NCKAP1: variants seen among roughly 807,000 people sequenced by gnomAD.
NCKAP1 encodes the protein nck-associated protein 1.
A neutral mutation model predicts 151.2 loss-of-function variants in NCKAP1; 21 were observed. The ratio of observed to expected loss-of-function variants is 0.14; its 90% CI spans 0.10 to 0.20. The LOEUF is 0.20. NCKAP1 is among the 10% of genes least tolerant of loss of function. The pLI is 1.00. For missense variants in NCKAP1, 933 were observed against 1,352.1 expected (o/e 0.69, Z 4.86); for synonymous variants, 484 against 451.8 (o/e 1.07, Z -0.90).
intron 12 of NCKAP1, among the ~76,000 whole-genome samples, chr2:182,982,538 C>T (rs571216312): frequency 6.6e-6 from 1 of 152,124 alleles, no homozygotes; most frequent in Admixed American, 6.5e-5. Flanking sequence ...ATGATGCTGC[C>T]GTAGTTCCCA....
rs924694290 is a variant in NCKAP1 at position 183,038,224 on chromosome 2, C to G, written c.-125G>C. 6 of 571,462 alleles carry G rather than the reference C, an allele frequency of 1.0e-5. No homozygotes were observed. Among genetic ancestry groups the G allele is most frequent in the Non-Finnish European group, 1.4e-5 (5 of 358,048 alleles). The allele number at this position is 571,462 out of a possible 1,614,324, so 35.4% of individuals were successfully genotyped here. ...GCGACCTCCGCCTTAGGAGAGCGCG[C>G]CCATGGCCCTCGCGCCCCAATCCCG... On this transcript the variant is annotated 5_prime_UTR_variant, in exon 1 of 31. Transcript: ENST00000361354.
chr2:182,990,491 T>C (rs1698145303), intron 8 of NCKAP1, among the ~76,000 whole-genome samples: 2 of 152,224 alleles, frequency 1.3e-5, no homozygotes, highest in South Asian at 4.1e-4. Context: ...ATTCTAAATA[T>C]CTTTTTTACC....
chr2:182,917,614 T>C lies in NCKAP1; in HGVS notation c.*8088A>G, dbSNP rs1696488003. 6.6e-6 allele frequency: 1 copy of C among 152,142 alleles called. No individual in the cohort carries two copies. Among genetic ancestry groups the C allele is most frequent in the Non-Finnish European group, 1.5e-5 (1 of 68,012 alleles). The allele number at this position is 152,142 out of a possible 1,614,324, so 9.4% of individuals were successfully genotyped here. On this transcript the variant is annotated 3_prime_UTR_variant, in exon 31 of 31. Coordinates refer to ENST00000361354, the MANE Select transcript of NCKAP1 (RefSeq NM_013436.5). The stretch of plus-strand genomic sequence containing the variant: ...AGGCAGAATTAATCCATCAATCACA[T>C]TTAGAGAGCTCTTGGCACGAACTTT...
chr2:182,964,834 A>ACC, intron 16 of NCKAP1, 26 bp from the exon 17 acceptor site: 1 of 1,554,688 alleles, frequency 6.4e-7, no homozygotes, highest in East Asian at 2.3e-5. Flanking sequence ...TCAGAATCAC[A>ACC]ATTTTTACAT....
At position 182,924,913 on chromosome 2, in the gene NCKAP1, T is replaced by C. The variant is rs567863988; in HGVS notation, c.*789A>G. ...GTGATACAGTCTAGTGTTTATTTTA[T>C]GTTATGGCAGGTACACTTGAATTTC... On this transcript the variant is annotated 3_prime_UTR_variant, in exon 31 of 31. Transcript: ENST00000361354. 3.7e-4 allele frequency: 57 copies of C among 152,248 alleles called. 1 individual carries two copies. The highest frequency in any genetic ancestry group is 1.2e-3 in the African/African-American group (51 of 41,582). The allele number at this position is 152,248 out of a possible 1,614,324, so 9.4% of individuals were successfully genotyped here. A position where few individuals can be genotyped will look rare whatever the true frequency, so the allele number is the denominator to read the frequency against.
intron 13 of NCKAP1, among the ~76,000 whole-genome samples, chr2:182,980,664 T>C (rs1016318182): frequency 5.9e-5 from 9 of 152,128 alleles, no homozygotes; most frequent in Admixed American, 5.2e-4. Flanking sequence ...AATGGGAATG[T>C]CTATATGAAA....
chr2:182,959,067 A>AT (rs1212897716), intron 18 of NCKAP1, among the ~76,000 whole-genome samples: 2 of 152,226 alleles, frequency 1.3e-5, no homozygotes, highest in African/African-American at 4.8e-5. Context: ...TTTAAATTAC[A>AT]TATGTGGTTT....
chr2:182,959,130 A>G (rs939818438), intron 18 of NCKAP1, among the ~76,000 whole-genome samples: 4 of 152,222 alleles, frequency 2.6e-5, no homozygotes, highest in African/African-American at 9.6e-5. Flanking sequence ...TTTAGTCATT[A>G]TACCTAGATA....
Position 182,976,873 on chromosome 2 carries a change from C to A in NCKAP1, c.1482+20G>T. Reference sequence around the variant, plus strand: ...TAACTAAAATAACAAAACAGAATGACAATAAAAGGTTATTCTTACCTGTAA... The same window carrying A: ...TAACTAAAATAACAAAACAGAATGAAAATAAAAGGTTATTCTTACCTGTAA... On this transcript the variant is annotated intron_variant, in intron 15 of 30. Transcript: ENST00000361354. The A allele has an allele frequency of 2.8e-6, 4 of 1,430,024 alleles. No homozygotes were observed. In the East Asian group the frequency reaches 7.5e-5, roughly 27 times the overall value. The allele number at this position is 1,430,024 out of a possible 1,614,324, so 88.6% of individuals were successfully genotyped here. A position where few individuals can be genotyped will look rare whatever the true frequency, so the allele number is the denominator to read the frequency against.
intron 26 of NCKAP1, among the ~76,000 whole-genome samples, chr2:182,932,818 C>A (rs924723408): frequency 7.9e-5 from 12 of 152,026 alleles, no homozygotes; most frequent in Non-Finnish European, 1.6e-4. Context: ...GTTTTTGTCT[C>A]CTTAACTTTA....
chr2:182,939,850 T>C (rs992942781), intron 24 of NCKAP1, among the ~76,000 whole-genome samples: 4 of 152,242 alleles, frequency 2.6e-5, no homozygotes, highest in Admixed American at 2.0e-4. Context: ...AAAGATTTAA[T>C]AAATTCTATT....
chr2:182,985,542 C>T (rs1376670481), intron 10 of NCKAP1, among the ~76,000 whole-genome samples: 1 of 151,864 alleles, frequency 6.6e-6, no homozygotes, highest in East Asian at 1.9e-4. Context: ...GTGGCTCATG[C>T]CTGTAATGCC....
rs772972944 is a variant in NCKAP1, at chr2:182,982,927, C to T, written c.1102G>A (p.Ala368Thr). The T allele has an allele frequency of 1.3e-6, 2 of 1,582,854 alleles. No individual in the cohort carries two copies. The highest frequency in any genetic ancestry group is 8.6e-7 in the Non-Finnish European group (1 of 1,166,560). The change falls in exon 12 of 31, where the codon GCA becomes ACA. Residue 368 changes from alanine to threonine, a missense_variant and splice_region_variant. Ala to Thr is a moderately conservative substitution (Grantham distance 58). This residue lies in a region of NCKAP1 where 607 missense variants were observed against 795.0 expected (regional missense o/e 0.76). Coordinates refer to ENST00000361354, the MANE Select transcript of NCKAP1 (RefSeq NM_013436.5). ...SDQPGLLGPK[A>T]LFVFMALSFA... ...GATAATGCCATAAAAACAAAAAGTG[C>T]CTGTTTAAAAAAAAGTAAGTGTTTA... is the stretch of plus-strand genomic sequence containing the variant.
Position 183,037,989 on chromosome 2 carries a change from C to T in NCKAP1, c.108+3G>A. ...CGCCGCGGCCTCCCCGGCCCGTGCG[C>T]ACCTTCTTGATGTTGTAGAGGCGGG... On this transcript the variant is annotated splice_donor_region_variant and intron_variant, in intron 1 of 30. Coordinates refer to ENST00000361354, the MANE Select transcript of NCKAP1 (RefSeq NM_013436.5). 6.3e-7 allele frequency: 1 copy of T among 1,579,462 alleles called. No homozygotes were observed. The highest frequency in any genetic ancestry group is 8.5e-7 in the Non-Finnish European group (1 of 1,170,072).
Position 182,913,499 on chromosome 2 carries a change from C to T in NCKAP1, c.*12203G>A, listed in dbSNP as rs572284378. On this transcript the variant is annotated 3_prime_UTR_variant, in exon 31 of 31. Transcript: ENST00000361354. ...CTCTCTGGTGAATCCCACCCCCACA[C>T]CATGTGATGCTCTGTGTTACCTCAG... The T allele has an allele frequency of 1.2e-4, 19 of 153,232 alleles. No individual in the cohort carries two copies. The East Asian group carries it at 3.4e-3, about 28-fold the overall frequency. 9.5% of individuals were successfully genotyped at this position (153,232 alleles called of 1,614,324 possible).
rs1402908565 is a variant in NCKAP1 at position 182,916,151 on chromosome 2, T to C, written c.*9551A>G. The C allele has an allele frequency of 7.2e-6, 1 of 138,782 alleles. No individual in the cohort carries two copies. The highest frequency in any genetic ancestry group is 1.5e-5 in the Non-Finnish European group (1 of 64,860). 8.6% of individuals were successfully genotyped at this position (138,782 alleles called of 1,614,324 possible). On this transcript the variant is annotated 3_prime_UTR_variant, in exon 31 of 31. Coordinates refer to ENST00000361354, the MANE Select transcript of NCKAP1 (RefSeq NM_013436.5). ...CTCTGCCATGTAAGAAGTACCTTGC[T>C]TCCCCTTCGCCTTCTGTCAAAAAAA...
At chr2:183,010,249 C>T (rs1698567149) in intron 2 of NCKAP1, among the ~76,000 whole-genome samples, 1 of 152,210 alleles carries the variant, frequency 6.6e-6, no homozygotes, top group Admixed American at 6.5e-5. Flanking sequence ...AACAACGAGT[C>T]ACTTCTAAGT....
In NCKAP1 at chr2:182,926,810, A is replaced by T. The variant is rs1696657752; in HGVS notation, c.3270+6T>A. 1 of 1,550,598 alleles carries T rather than the reference A, an allele frequency of 6.4e-7. No homozygotes were observed. ...TATTGTTAGTAAAAATTAAAATGAG[A>T]CTTACCATATCTAGCAGTAAATAAA... On this transcript the variant is annotated splice_donor_region_variant and intron_variant, in intron 30 of 30. Coordinates refer to ENST00000361354, the MANE Select transcript of NCKAP1 (RefSeq NM_013436.5).
chr2:182,914,602 A>G lies in NCKAP1; in HGVS notation c.*11100T>C. The G allele has an allele frequency of 6.6e-6, 1 of 152,226 alleles. No individual in the cohort carries two copies. Among genetic ancestry groups the G allele is most frequent in the East Asian group, 1.9e-4 (1 of 5,198 alleles). The allele number at this position is 152,226 out of a possible 1,614,324, so 9.4% of individuals were successfully genotyped here. A position where few individuals can be genotyped will look rare whatever the true frequency, so the allele number is the denominator to read the frequency against. ...ACACTCTGCATTTTAGAAGTGCCACAATAGCATATTCTCTCCTTTTCTGGT... is the reference window on the plus strand; with the variant it reads ...ACACTCTGCATTTTAGAAGTGCCACGATAGCATATTCTCTCCTTTTCTGGT... On this transcript the variant is annotated 3_prime_UTR_variant, in exon 31 of 31. Transcript: ENST00000361354.
Sources: gnomAD v4.1 joint callset for allele counts (sites outside exome capture counted in the v4.1 genomes callset) on GRCh38, gnomAD v4.1.1 for gene constraint, gnomAD v4.1.1 regional missense constraint, MANE v1.5 for transcripts, NCBI Gene and HGNC (gene_info 2026-07-23, HGNC 2026-07-21) for gene names.